Variants in FAM222A observed in about 807,000 individuals in gnomAD.
FAM222A encodes the protein family with sequence similarity 222 member A.
In FAM222A, 7 loss-of-function variants were observed where a neutral mutation model predicts 25.8. The observed-to-expected ratio is 0.27, with a 90% CI of 0.15 to 0.51. The LOEUF is 0.51. Ranked by LOEUF, FAM222A falls within the 20% of genes least tolerant of loss-of-function variation. FAM222A has a pLI of 0.97. For synonymous variants in FAM222A, 294 were observed against 298.8 expected, an observed-to-expected ratio of 0.98 and a Z score of 0.17; for missense variants, 573 against 640.5, an observed-to-expected ratio of 0.89 and a Z score of 1.14.
At chr12:109,720,302 C>T (rs765387660) in intron 1 of FAM222A, 15 of 565,220 alleles carry the variant, frequency 2.7e-5, no homozygotes, top group Non-Finnish European at 2.9e-5. Flanking sequence ...GACTTAATGA[C>T]GCAGAACTTA....
At chr12:109,752,470 T>C (rs1255201204) in intron 2 of FAM222A, among the ~76,000 whole-genome samples, 1 of 147,472 alleles carries the variant, frequency 6.8e-6, no homozygotes, top group Admixed American at 6.9e-5. Context: ...CCCAGATCTC[T>C]CCTCTTGTCC....
chr12:109,748,639 G>A (rs547442967), intron 2 of FAM222A, among the ~76,000 whole-genome samples: 9 of 152,004 alleles, frequency 5.9e-5, no homozygotes, highest in South Asian at 4.1e-4. Flanking sequence ...CATTTTATCC[G>A]GGTCTTCAGA....
intron 2 of FAM222A, among the ~76,000 whole-genome samples, chr12:109,748,988 G>T (rs924285435): frequency 6.6e-6 from 1 of 151,912 alleles, no homozygotes; most frequent in African/African-American, 2.4e-5. Flanking sequence ...GAGCACTTCC[G>T]AGCTATATGT....
In FAM222A at chr12:109,714,586, C is replaced by T. The variant is rs1887602779; in HGVS notation, c.-358C>T. Reference sequence around the variant, plus strand: ...TTGAGCGGGGCCCCGAGGGGAGGCGCAGCGCCGCCCGCCGGACGTGGCGAT... The same window carrying T: ...TTGAGCGGGGCCCCGAGGGGAGGCGTAGCGCCGCCCGCCGGACGTGGCGAT... On this transcript the variant is annotated 5_prime_UTR_variant, in exon 1 of 3. Transcript: ENST00000538780. This position sits in a 1 kb window ranked among gnomAD's most constrained non-coding sequence, Gnocchi z 4.2. The T allele has an allele frequency of 1.3e-5, 2 of 151,868 alleles. No individual in the cohort carries two copies. The allele number at this position is 151,868 out of a possible 1,614,324, so 9.4% of individuals were successfully genotyped here. A position where few individuals can be genotyped will look rare whatever the true frequency, so the allele number is the denominator to read the frequency against.
intron 1 of FAM222A, among the ~76,000 whole-genome samples, chr12:109,719,192 G>C (rs1887704415): frequency 6.6e-6 from 1 of 152,208 alleles, no homozygotes; most frequent in Non-Finnish European, 1.5e-5. Flanking sequence ...CACCAGACTA[G>C]TACCTTCCAG....
At chr12:109,737,961 G>C (rs1041986235) in intron 1 of FAM222A, among the ~76,000 whole-genome samples, 2 of 152,126 alleles carry the variant, frequency 1.3e-5, no homozygotes, top group African/African-American at 4.8e-5. Context: ...TGAGACAAGC[G>C]GGGTGGGAGA....
intron 2 of FAM222A, among the ~76,000 whole-genome samples, chr12:109,749,355 C>T (rs1031318055): frequency 2.0e-5 from 3 of 152,214 alleles, no homozygotes; most frequent in African/African-American, 7.2e-5. Flanking sequence ...ATTTGCCCAC[C>T]TCAGCCTTCC....
chr12:109,751,694 A>T (rs1417568234), intron 2 of FAM222A, among the ~76,000 whole-genome samples: 3 of 152,238 alleles, frequency 2.0e-5, no homozygotes, highest in Non-Finnish European at 4.4e-5. Context: ...AAGTAGGTCT[A>T]AGGGAAGAAC....
intron 1 of FAM222A, among the ~76,000 whole-genome samples, chr12:109,737,150 G>A (rs1190489066): frequency 6.6e-6 from 1 of 152,108 alleles, no homozygotes; most frequent in African/African-American, 2.4e-5. Context: ...GTTTTAAGGG[G>A]TAGAGAGCCA....
chr12:109,731,104 C>T (rs1233831978), intron 1 of FAM222A, among the ~76,000 whole-genome samples: 3 of 152,092 alleles, frequency 2.0e-5, no homozygotes, highest in East Asian at 3.9e-4. Context: ...AATAGCAGAG[C>T]CAGGGTTCAA....
chr12:109,736,542 A>AC (rs958616493), intron 1 of FAM222A, among the ~76,000 whole-genome samples: 25 of 150,140 alleles, frequency 1.7e-4, no homozygotes, highest in African/African-American at 4.2e-4. Flanking sequence ...TTACATCATG[A>AC]CCCCCCCAGG....
intron 1 of FAM222A, among the ~76,000 whole-genome samples, chr12:109,726,809 C>CT (rs2136322025): frequency 6.6e-6 from 1 of 152,266 alleles, no homozygotes; most frequent in African/African-American, 2.4e-5. Flanking sequence ...ACATGCCTGG[C>CT]CAGGCCCCAG....
intron 2 of FAM222A, among the ~76,000 whole-genome samples, chr12:109,757,704 G>A (rs1888772624): frequency 6.6e-6 from 1 of 151,132 alleles, no homozygotes; most frequent in Non-Finnish European, 1.5e-5. Flanking sequence ...CCAGAATAGA[G>A]AGCCACGGAT....
At chr12:109,721,619 G>C (rs540964656) in intron 1 of FAM222A, among the ~76,000 whole-genome samples, 2 of 152,158 alleles carry the variant, frequency 1.3e-5, no homozygotes, top group Non-Finnish European at 2.9e-5. Context: ...CCTCTGGCCC[G>C]TCTCCATGTG....
At chr12:109,716,278 A>G (rs1399669047) in intron 1 of FAM222A, among the ~76,000 whole-genome samples, 1 of 152,140 alleles carries the variant, frequency 6.6e-6, no homozygotes, top group African/African-American at 2.4e-5. Flanking sequence ...AATTATTGCC[A>G]GTGTCGGGTG....
intron 2 of FAM222A, among the ~76,000 whole-genome samples, chr12:109,752,108 C>T (rs1357627248): frequency 1.3e-5 from 2 of 152,222 alleles, no homozygotes; most frequent in African/African-American, 4.8e-5. Context: ...TTGATTGCTA[C>T]TGTCCCCCTG....
At chr12:109,757,140 G>C (rs1888754815) in intron 2 of FAM222A, among the ~76,000 whole-genome samples, 1 of 152,204 alleles carries the variant, frequency 6.6e-6, no homozygotes, top group Non-Finnish European at 1.5e-5. Context: ...GGCCTTTATG[G>C]AGAAGATAAG....
At chr12:109,760,245 G>A (rs1007152289) in intron 2 of FAM222A, among the ~76,000 whole-genome samples, 1 of 152,210 alleles carries the variant, frequency 6.6e-6, no homozygotes, top group Non-Finnish European at 1.5e-5. Context: ...TTGCATAGGG[G>A]CGTGGGGCAG....
rs543266713 is a variant in FAM222A, at chr12:109,746,912, T to G, written c.82+2684T>G. 5.3e-5 allele frequency among the ~76,000 whole-genome samples: 8 copies of G among 152,322 alleles called. No individual in the cohort carries two copies. The South Asian group carries it at 1.7e-3, about 32-fold the overall frequency. On this transcript the variant is annotated intron_variant, in intron 2 of 2. Transcript: ENST00000538780. ...TGTGTATATCCAGGTCGAGTAGCCC[T>G]TATCAGAAATGCTTGAGACCAAAGT...
Sources: gnomAD v4.1 joint callset for allele counts (sites outside exome capture counted in the v4.1 genomes callset) on GRCh38, gnomAD v4.1.1 for gene constraint, Gnocchi (gnomAD v3.1) non-coding constraint, MANE v1.5 for transcripts, NCBI Gene and HGNC (gene_info 2026-07-23, HGNC 2026-07-21) for gene names.